Variants in INSR observed in about 807,000 individuals in gnomAD.
INSR encodes the protein IR.
INSR carries 67 observed loss-of-function variants against 142.6 expected under a neutral mutation model. The ratio of observed to expected loss-of-function variants is 0.47; its 90% CI spans 0.39 to 0.58. The LOEUF (loss-of-function observed/expected upper bound fraction) is 0.58, where lower values mean the gene tolerates loss of function less well. Ranked by LOEUF, INSR falls within the 20% of genes least tolerant of loss-of-function variation. The probability of loss-of-function intolerance (pLI) is 0.00; values close to 1 mark genes in which losing one functional copy is unlikely to be tolerated. For synonymous variants in INSR, 756 were observed against 743.1 expected, an observed-to-expected ratio of 1.02 and a Z score of -0.28; for missense variants, 1,248 against 1,833.2, an observed-to-expected ratio of 0.68 and a Z score of 5.83.
chr19:7,226,713 G>A (rs111900413), intron 2 of INSR, among the ~76,000 whole-genome samples: 1,509 of 108,000 alleles, frequency 0.014, 29 homozygotes, highest in African/African-American at 0.053. Flanking sequence ...GGGCAACAGA[G>A]CCAGACCCTG....
At chr19:7,187,244 T>C (rs1312131009) in intron 2 of INSR, among the ~76,000 whole-genome samples, 1 of 151,618 alleles carries the variant, frequency 6.6e-6, no homozygotes, top group East Asian at 1.9e-4. Context: ...CACACCCCGC[T>C]AATTTTTTTG....
At position 7,253,484 on chromosome 19, in the gene INSR, C is replaced by T. The variant is rs1047015514; in HGVS notation, c.652+13861G>A. Among the ~76,000 whole-genome samples, 4 of 151,962 alleles carry T rather than the reference C, an allele frequency of 2.6e-5. No homozygotes were observed. The South Asian group carries it at 6.2e-4, about 24-fold the overall frequency. ...AACTCCTGACCTCAAGTGATCTGCC[C>T]GCCTCAGCCTCCCCGAGTGCTGGGA... On this transcript the variant is annotated intron_variant, in intron 2 of 21. Transcript: ENST00000302850.
chr19:7,195,931 CTTTT>C (rs903162924), intron 2 of INSR, among the ~76,000 whole-genome samples: 5 of 54,812 alleles, frequency 9.1e-5, no homozygotes, highest in Admixed American at 1.8e-4. Context: ...TCTTTTCTTT[CTTTT>C]TTTTTTTTTT....
chr19:7,142,093 T>C (rs767085491), intron 12 of INSR, among the ~76,000 whole-genome samples: 1 of 151,800 alleles, frequency 6.6e-6, no homozygotes, highest in African/African-American at 2.4e-5. Flanking sequence ...TACATAATGA[T>C]TGCCTATGAC....
rs117123940 is a variant in INSR, at chr19:7,174,402, C to T, written c.1123+181G>A. 9.9e-4 allele frequency among the ~76,000 whole-genome samples: 151 copies of T among 152,266 alleles called. 1 individual carries two copies. In the East Asian group the frequency reaches 0.028, roughly 28 times the overall value. On this transcript the variant is annotated intron_variant, in intron 4 of 21. Transcript: ENST00000302850. The stretch of plus-strand genomic sequence containing the variant: ...TTAGTAAGGCCAAGACTGAGCTGTT[C>T]ATTTCAGGTTTTGAGGCAGACTCCC...
intron 2 of INSR, among the ~76,000 whole-genome samples, chr19:7,260,213 C>T (rs1415172915): frequency 6.6e-6 from 1 of 152,132 alleles, no homozygotes; most frequent in African/African-American, 2.4e-5. Flanking sequence ...TAATCTCAGA[C>T]CCAGGGAGGA....
At position 7,142,628 on chromosome 19, in the gene INSR, G is replaced by A. The variant is rs1463013041; in HGVS notation, c.2542+188C>T. ...GGAATCACTTGACATAGGTGGCAGA[G>A]GCTGGAGTGAGCTGAGGTCGCACCA... is the stretch of plus-strand genomic sequence containing the variant. On this transcript the variant is annotated intron_variant, in intron 12 of 21. Transcript: ENST00000302850. Among the ~76,000 whole-genome samples, 5 of 152,098 alleles carry A rather than the reference G, an allele frequency of 3.3e-5. No homozygotes were observed. The East Asian group carries it at 9.7e-4, about 29-fold the overall frequency.
chr19:7,204,482 A>G (rs1205220385), intron 2 of INSR, among the ~76,000 whole-genome samples: 2 of 152,152 alleles, frequency 1.3e-5, no homozygotes, highest in African/African-American at 4.8e-5. Flanking sequence ...AGACACTGCT[A>G]TTCTATTAGA....
intron 3 of INSR, among the ~76,000 whole-genome samples, chr19:7,176,987 G>A (rs1331742379): frequency 1.3e-5 from 2 of 152,178 alleles, no homozygotes; most frequent in Admixed American, 1.3e-4. Context: ...TGCAACTACG[G>A]CTGTAACATG....
At chr19:7,141,366 T>C in intron 13 of INSR, 1 of 398,194 alleles carries the variant, frequency 2.5e-6, no homozygotes, top group Non-Finnish European at 4.8e-6. Flanking sequence ...TTTATAAGGT[T>C]TTAAGACTCA....
chr19:7,183,434 C>T (rs1013435076), intron 3 of INSR, among the ~76,000 whole-genome samples: 6 of 152,124 alleles, frequency 3.9e-5, no homozygotes, highest in Non-Finnish European at 8.8e-5. Flanking sequence ...GGAAATCTGA[C>T]TCTGTCGAAG....
chr19:7,197,011 G>C (rs943271083), intron 2 of INSR, among the ~76,000 whole-genome samples: 12 of 152,126 alleles, frequency 7.9e-5, no homozygotes, highest in African/African-American at 2.2e-4. Flanking sequence ...TCGAGTCCCC[G>C]GAGCCAAATT....
Position 7,233,709 on chromosome 19 carries a change from T to C in INSR, c.652+33636A>G, listed in dbSNP as rs1976068595. Among the ~76,000 whole-genome samples, 3 of 142,010 alleles carry C rather than the reference T, an allele frequency of 2.1e-5. No individual in the cohort carries two copies. The South Asian group carries it at 7.0e-4, about 33-fold the overall frequency. The allele number at this position is 142,010 out of a possible 152,430, so 93.2% of individuals were successfully genotyped here. On this transcript the variant is annotated intron_variant, in intron 2 of 21. Coordinates refer to ENST00000302850, the MANE Select transcript of INSR (RefSeq NM_000208.4). ...TTTTTTTTTTGAGACGCAGTCTCGCTGTGTTGCCCAGGCTGGAGTGCAGTG... is the reference window on the plus strand; with the variant it reads ...TTTTTTTTTTGAGACGCAGTCTCGCCGTGTTGCCCAGGCTGGAGTGCAGTG...
At chr19:7,229,332 A>ATGGATAGATGGATG (rs1568204425) in intron 2 of INSR, among the ~76,000 whole-genome samples, 16,696 of 78,862 alleles carry the variant, frequency 0.21, 1,320 homozygotes, top group African/African-American at 0.31. Context: ...ATGGATGGAT[A>ATGGATAGATGGATG]GATGGATGGA....
intron 11 of INSR, 31 bp from the exon 12 acceptor site, chr19:7,143,121 A>G (rs1973113590): frequency 2.5e-6 from 4 of 1,611,746 alleles, no homozygotes; most frequent in African/African-American, 1.4e-5. Flanking sequence ...GTATGATGAC[A>G]CCATCACCAT....
In INSR at chr19:7,267,442, G is replaced by A. The variant is rs1163483042; in HGVS notation, c.555C>T (p.Ile185=). ...NKDDNEECGD[I]CPGTAKGKTN... ...TCTTGCCCTTCGCGGTACCCGGACA[G>A]ATGTCTCCACACTCCTCGTTGTCAT... is the stretch of plus-strand genomic sequence containing the variant. The change falls in exon 2 of 22, where the codon ATC becomes ATT. Residue 185 remains isoleucine (I), a synonymous_variant. Coordinates refer to ENST00000302850, the MANE Select transcript of INSR (RefSeq NM_000208.4). The surrounding 1 kb of genome is among the most constrained non-coding windows in gnomAD (Gnocchi z 6.3). 6.2e-7 allele frequency: 1 copy of A among 1,613,972 alleles called. No individual in the cohort carries two copies. Among genetic ancestry groups the A allele is most frequent in the Non-Finnish European group, 8.5e-7 (1 of 1,180,018 alleles).
In INSR at chr19:7,160,219, AGC is replaced by A. The variant is rs1973711503; in HGVS notation, c.2029+2811_2029+2812del. On this transcript the variant is annotated intron_variant, in intron 9 of 21. Transcript: ENST00000302850. ...ACCCAGGCTGGAGTGCAATGGTGCA[AGC>A]TCGGCTCATTGCAACCTCCACCTCC... is the stretch of plus-strand genomic sequence containing the variant. Among the ~76,000 whole-genome samples, 8 of 152,140 alleles carry A rather than the reference AGC, an allele frequency of 5.3e-5. No homozygotes were observed. The South Asian group carries it at 1.7e-3, about 32-fold the overall frequency.
intron 2 of INSR, among the ~76,000 whole-genome samples, chr19:7,248,485 C>CA (rs758091489): frequency 0.51 from 17,848 of 35,148 alleles, 4,849 homozygotes; most frequent in Non-Finnish European, 0.57. Flanking sequence ...GACCCCATCT[C>CA]AAAAAAAAAA....
intron 15 of INSR, among the ~76,000 whole-genome samples, chr19:7,126,874 G>A (rs1972658982): frequency 6.9e-6 from 1 of 143,894 alleles, no homozygotes; most frequent in Non-Finnish European, 1.5e-5. Flanking sequence ...TCCCTCCCTG[G>A]GTGGTTTTTT....
Sources: allele counts gnomAD v4.1 joint callset (sites outside exome capture counted in the v4.1 genomes callset), GRCh38; gene constraint gnomAD v4.1.1; non-coding constraint Gnocchi (gnomAD v3.1); transcripts MANE v1.5; gene names NCBI Gene and HGNC (gene_info 2026-07-23, HGNC 2026-07-21).